RYR1: variants seen among roughly 807,000 people sequenced by gnomAD.
RYR1 encodes central core disease of muscle.
RYR1 carries 342 observed loss-of-function variants against 583.5 expected under a neutral mutation model. That is an observed-to-expected ratio of 0.59 (90% CI 0.54 to 0.64). The LOEUF (loss-of-function observed/expected upper bound fraction) is 0.64, where lower values mean the gene tolerates loss of function less well. Ranked by LOEUF, RYR1 falls within the 30% of genes least tolerant of loss-of-function variation. The pLI is 0.00. For synonymous variants in RYR1, 2,791 were observed against 2,822.5 expected (o/e 0.99, Z 0.35); for missense variants, 6,032 against 6,917.2 (o/e 0.87, Z 4.54).
chr19:38,511,880 G>C (rs1457379173), intron 61 of RYR1, among the ~76,000 whole-genome samples, 192 bp from the exon 62 acceptor site: 4 of 152,104 alleles, frequency 2.6e-5, no homozygotes, highest in Non-Finnish European at 5.9e-5. Flanking sequence ...AGGAAGGCCA[G>C]GAGAGTGGTT....
intron 65 of RYR1, among the ~76,000 whole-genome samples, chr19:38,516,681 A>G (rs1396675327): frequency 6.6e-6 from 1 of 152,168 alleles, no homozygotes; most frequent in Non-Finnish European, 1.5e-5. Context: ...GGTGAGGGGT[A>G]TTTGAGCATA....
intron 78 of RYR1, among the ~76,000 whole-genome samples, chr19:38,533,613 G>A (rs1334118341): frequency 6.6e-6 from 1 of 152,064 alleles, no homozygotes; most frequent in Non-Finnish European, 1.5e-5. Context: ...CCAACATGGT[G>A]AAACCCCATC....
At chr19:38,581,768 T>G (rs984914911) in intron 101 of RYR1, among the ~76,000 whole-genome samples, 1 of 151,868 alleles carries the variant, frequency 6.6e-6, no homozygotes, top group Non-Finnish European at 1.5e-5. Flanking sequence ...CCAGCTGATT[T>G]TTGTATTTTT....
At chr19:38,447,882 G>T (rs1353141181) in intron 9 of RYR1, among the ~76,000 whole-genome samples, 1 of 150,522 alleles carries the variant, frequency 6.6e-6, no homozygotes. Flanking sequence ...AATAAAAAAT[G>T]AAGTCTCTCT....
At chr19:38,506,146 G>T (rs1164338516) in intron 54 of RYR1, among the ~76,000 whole-genome samples, 157 bp from the exon 55 acceptor site, 1 of 151,688 alleles carries the variant, frequency 6.6e-6, no homozygotes, top group Non-Finnish European at 1.5e-5. Flanking sequence ...GAGAAGGATG[G>T]GGTGGTTTAG....
chr19:38,523,027 G>T lies in RYR1; in HGVS notation c.10260-1G>T. ...CCTCACCTCCCCTCCGCTGACCCCA[G>T]GGCGCAGTGGCTGACGGAGCCGAAT... On this transcript the variant is annotated splice_acceptor_variant, in intron 67 of 105. Coordinates refer to ENST00000359596, the MANE Select transcript of RYR1 (RefSeq NM_000540.3). LOFTEE classifies it high-confidence loss of function. 1 of 1,590,760 alleles carries T rather than the reference G, an allele frequency of 6.3e-7. No homozygotes were observed.
chr19:38,450,041 T>C (rs1966996742), intron 11 of RYR1, among the ~76,000 whole-genome samples: 1 of 152,234 alleles, frequency 6.6e-6, no homozygotes, highest in African/African-American at 2.4e-5. Flanking sequence ...CAGGTTCTAG[T>C]TTTTATCCTG....
At chr19:38,530,444 T>TTTTTG (rs1971681409) in intron 76 of RYR1, among the ~76,000 whole-genome samples, 2 of 151,288 alleles carry the variant, frequency 1.3e-5, no homozygotes, top group Admixed American at 1.3e-4. Context: ...TTTTTTTTTT[T>TTTTTG]TTCTGGTAGA....
chr19:38,502,794 G>C (rs1970227406), intron 48 of RYR1, 67 bp downstream of exon 48: 1 of 1,098,208 alleles, frequency 9.1e-7, no homozygotes, highest in Non-Finnish European at 1.2e-6. Flanking sequence ...GGCAGGGGCA[G>C]GGGCAGGGGC....
chr19:38,565,875 G>T lies in RYR1; in HGVS notation c.13437+104G>T, dbSNP rs1973397202. On this transcript the variant is annotated intron_variant, in intron 91 of 105. Transcript: ENST00000359596. The surrounding 1 kb of genome is among the most constrained non-coding windows in gnomAD (Gnocchi z 4.7). ...CACACACAGAGGAGAGAACTGGCTA[G>T]GGGGATGGGCACACGCACCCACGGA... 1 of 1,260,068 alleles carries T rather than the reference G, an allele frequency of 7.9e-7. No individual in the cohort carries two copies. Among genetic ancestry groups the T allele is most frequent in the Admixed American group, 4.1e-5 (1 of 24,408 alleles). The allele number at this position is 1,260,068 out of a possible 1,614,324, so 78.1% of individuals were successfully genotyped here.
chr19:38,582,772 C>T (rs1044959840), intron 101 of RYR1, among the ~76,000 whole-genome samples: 2 of 152,124 alleles, frequency 1.3e-5, no homozygotes, highest in African/African-American at 4.8e-5. Context: ...GAGACACAGG[C>T]CACAATCCAC....
intron 67 of RYR1, 72 bp from the exon 68 acceptor site, chr19:38,522,956 A>G: frequency 8.9e-6 from 11 of 1,238,634 alleles, no homozygotes; most frequent in Non-Finnish European, 1.3e-5. Flanking sequence ...TCCTCCTCCA[A>G]GATCTCTCTC....
At chr19:38,442,528 G>A (rs1972742929) in intron 3 of RYR1, 75 bp downstream of exon 3, 4 of 1,051,970 alleles carry the variant, frequency 3.8e-6, no homozygotes, top group Non-Finnish European at 1.5e-6. Context: ...AGGGCACGGT[G>A]GCAAGGATGG....
At position 38,506,885 on chromosome 19, in the gene RYR1, G is replaced by A. The variant is rs1970479473; in HGVS notation, c.8749G>A (p.Ala2917Thr). ...PYDTLTAKEK[A>T]RDREKAQELL... ...CGACACGCTCACGGCCAAGGAGAAGGCACGAGATCGAGAGAAGGCCCAGGA... is the reference window on the plus strand; with the variant it reads ...CGACACGCTCACGGCCAAGGAGAAGACACGAGATCGAGAGAAGGCCCAGGA... The change falls in exon 57 of 106, where the codon GCA becomes ACA. Residue 2917 changes from alanine (A) to threonine (T), a missense_variant. Physicochemically the swap from Ala to Thr is moderately conservative, Grantham distance 58. This residue lies in a region of RYR1 where 1,493 missense variants were observed against 1,715.5 expected (regional missense o/e 0.87). Transcript: ENST00000359596. 1.2e-6 allele frequency: 2 copies of A among 1,613,690 alleles called. No homozygotes were observed. Among genetic ancestry groups the A allele is most frequent in the South Asian group, 1.1e-5 (1 of 91,066 alleles).
chr19:38,496,454 T>G lies in RYR1; in HGVS notation c.6709T>G (p.Cys2237Gly), dbSNP rs1191896122. 6.2e-7 allele frequency: 1 copy of G among 1,613,710 alleles called. No homozygotes were observed. The highest frequency in any genetic ancestry group is 8.5e-7 in the Non-Finnish European group (1 of 1,180,030). ...GGTGACAAGCTGCTGCCGCTTCCTC[T>G]GCTATTTCTGCCGAATCAGCCGGCA... is the stretch of plus-strand genomic sequence containing the variant. ...KMVTSCCRFL[C>G]YFCRISRQNQ... Residue 2237 changes from cysteine to glycine, a missense_variant, in exon 41 of 106, where the codon TGC (cysteine) becomes GGC (glycine). Cys to Gly is a radical substitution (Grantham distance 159). Transcript: ENST00000359596. This position sits in a 1 kb window ranked among gnomAD's most constrained non-coding sequence, Gnocchi z 4.8.
rs370495390 is a variant in RYR1 at position 38,494,852 on chromosome 19, C to G, written c.6548+227C>G. 4.1e-3 allele frequency among the ~76,000 whole-genome samples: 584 copies of G among 142,188 alleles called. 2 individuals carry two copies. The highest frequency in any genetic ancestry group is 0.01 in the South Asian group (45 of 4,436). The allele number at this position is 142,188 out of a possible 152,430, so 93.3% of individuals were successfully genotyped here. ...CTCAGCAGGACATTCCCCACCCCCC[C>G]CTTTTTTTTTTTTTTTGTGAGACTG... On this transcript the variant is annotated intron_variant, in intron 39 of 105. Transcript: ENST00000359596.
At position 38,575,971 on chromosome 19, in the gene RYR1, C is replaced by T. The variant is rs768039681; in HGVS notation, c.14172+10C>T. ...GTTTGTCAAGCGCAAGGTGAGAGGA[C>T]ATGGATGCCCTGGGTCCTGGATTGG... On this transcript the variant is annotated intron_variant, in intron 97 of 105. Transcript: ENST00000359596. The T allele has an allele frequency of 1.9e-6, 3 of 1,614,156 alleles. No individual in the cohort carries two copies. The Admixed American group carries it at 5.0e-5, about 27-fold the overall frequency.
chr19:38,450,974 C>A (rs79971794), intron 11 of RYR1, among the ~76,000 whole-genome samples: 9,872 of 152,192 alleles, frequency 0.065, 464 homozygotes, highest in Non-Finnish European at 0.1. Flanking sequence ...ACTCTGTTGC[C>A]CTTACTCTCT....
intron 88 of RYR1, 23 bp from the exon 89 acceptor site, chr19:38,548,210 C>T (rs1370606022): frequency 9.3e-6 from 15 of 1,613,900 alleles, no homozygotes; most frequent in African/African-American, 1.3e-5. Flanking sequence ...TCACCGGCCA[C>T]ACTGACCTGG....
Sources: allele counts gnomAD v4.1 joint callset (sites outside exome capture counted in the v4.1 genomes callset), GRCh38; gene constraint gnomAD v4.1.1; regional missense constraint gnomAD v4.1.1; non-coding constraint Gnocchi (gnomAD v3.1); transcripts MANE v1.5; gene names NCBI Gene and HGNC (gene_info 2026-07-23, HGNC 2026-07-21).